Variants in SORCS1 observed in about 807,000 individuals in gnomAD.
The protein encoded by SORCS1 is sortilin related VPS10 domain containing receptor 1, also known as VPS10 domain-containing receptor SorCS1.
A neutral mutation model predicts 146.1 loss-of-function variants in SORCS1; 60 were observed. That is an observed-to-expected ratio of 0.41 (90% CI 0.33 to 0.51). The LOEUF is 0.51. SORCS1 is among the 20% of genes least tolerant of loss of function. The probability of loss-of-function intolerance (pLI) is 0.21; values close to 1 mark genes in which losing one functional copy is unlikely to be tolerated. For missense variants in SORCS1, 1,352 were observed against 1,487.6 expected (o/e 0.91, Z 1.50); for synonymous variants, 637 against 584.0 (o/e 1.09, Z -1.31).
intron 1 of SORCS1, among the ~76,000 whole-genome samples, chr10:107,103,707 A>G (rs182042402): frequency 6.6e-6 from 1 of 152,280 alleles, no homozygotes; most frequent in African/African-American, 2.4e-5. Flanking sequence ...TGTTTGTATT[A>G]ATGAAATATG....
rs1254106397 is a variant in SORCS1, at chr10:106,652,561, G to A, written c.2304-8C>T. ...GAAACCACCTTCCTGTACCTAAATG[G>A]AAAAAAGCTCAAGTCGTAAACCAGC... On this transcript the variant is annotated splice_polypyrimidine_tract_variant and splice_region_variant and intron_variant, in intron 17 of 25. Coordinates refer to ENST00000263054, the MANE Select transcript of SORCS1 (RefSeq NM_052918.5). 2 of 1,607,032 alleles carry A rather than the reference G, an allele frequency of 1.2e-6. No individual in the cohort carries two copies. Among genetic ancestry groups the A allele is most frequent in the South Asian group, 1.1e-5 (1 of 90,506 alleles).
rs1488554783 is a variant in SORCS1, at chr10:106,618,290, C to T, written c.2797-18G>A. 3 of 1,612,538 alleles carry T rather than the reference C, an allele frequency of 1.9e-6. No individual in the cohort carries two copies. The highest frequency in any genetic ancestry group is 1.1e-5 in the South Asian group (1 of 90,956). ...ATCAAAGGCTAAAATAAACAAGGGC[C>T]CAGAGTGAAGGGAAAGCTCTTTAGT... On this transcript the variant is annotated intron_variant, in intron 20 of 25. Coordinates refer to ENST00000263054, the MANE Select transcript of SORCS1 (RefSeq NM_052918.5).
intron 2 of SORCS1, among the ~76,000 whole-genome samples, chr10:106,901,287 T>A (rs1470342309): frequency 2.0e-5 from 3 of 152,126 alleles, no homozygotes; most frequent in Non-Finnish European, 4.4e-5. Context: ...TTTCTATAGT[T>A]TTTTTTATTT....
intron 1 of SORCS1, among the ~76,000 whole-genome samples, chr10:107,160,780 G>T (rs964455121): frequency 6.6e-6 from 1 of 152,120 alleles, no homozygotes; most frequent in Non-Finnish European, 1.5e-5. Context: ...ATTTTATAAA[G>T]ATTAATGCTA....
chr10:107,042,611 A>AT (rs35015031), intron 1 of SORCS1, among the ~76,000 whole-genome samples: 52,784 of 143,616 alleles, frequency 0.37, 10,681 homozygotes, highest in African/African-American at 0.55. Flanking sequence ...GAAGTGAACT[A>AT]TTTTTTTTTT....
chr10:106,725,933 GAAAAAAAAA>G (rs58266957), intron 6 of SORCS1, among the ~76,000 whole-genome samples: 1 of 135,396 alleles, frequency 7.4e-6, no homozygotes, highest in African/African-American at 2.8e-5. Context: ...TCTGTCTCAG[GAAAAAAAAA>G]AAAAAAAAAT....
chr10:106,879,181 A>C (rs903437349), intron 2 of SORCS1, among the ~76,000 whole-genome samples: 5 of 151,380 alleles, frequency 3.3e-5, no homozygotes, highest in Non-Finnish European at 7.4e-5. Context: ...ATAACTTACC[A>C]AGAGTGAGCA....
At chr10:107,142,005 T>C (rs1384022123) in intron 1 of SORCS1, among the ~76,000 whole-genome samples, 1 of 152,052 alleles carries the variant, frequency 6.6e-6, no homozygotes, top group Non-Finnish European at 1.5e-5. Context: ...TTCTAAGGAG[T>C]GGGAAGATAA....
intron 18 of SORCS1, among the ~76,000 whole-genome samples, chr10:106,633,046 AG>A (rs531160743): frequency 1.0e-3 from 158 of 152,290 alleles, no homozygotes; most frequent in Non-Finnish European, 2.0e-3. Context: ...AGAGAGAACA[AG>A]AACATGTTAC....
At position 106,579,416 on chromosome 10, in the gene SORCS1, T is replaced by C. The variant is rs765720559; in HGVS notation, c.3324A>G (p.Ser1108=). 2 of 1,613,740 alleles carry C rather than the reference T, an allele frequency of 1.2e-6. No homozygotes were observed. Among genetic ancestry groups the C allele is most frequent in the African/African-American group, 2.7e-5 (2 of 74,886 alleles). The change falls in exon 25 of 26, where the codon TCA becomes TCG. Residue 1108 remains serine (S), a synonymous_variant. Transcript: ENST00000263054. ...HSGSAMLMLL[S]VVFVGLAVFV... is the part of the protein sequence containing the mutation. The stretch of plus-strand genomic sequence containing the variant: ...ACACTGCCAGCCCCACAAACACCAC[T>C]GAGAGCAGCATCAGCATGGCAGATC...
At chr10:107,033,544 C>T (rs1958762110) in intron 1 of SORCS1, among the ~76,000 whole-genome samples, 1 of 152,164 alleles carries the variant, frequency 6.6e-6, no homozygotes, top group Admixed American at 6.5e-5. Flanking sequence ...ATAGAGAACT[C>T]AAACAGAAAC....
At chr10:106,934,978 G>A (rs7100366) in intron 2 of SORCS1, among the ~76,000 whole-genome samples, 3,210 of 152,046 alleles carry the variant, frequency 0.021, 82 homozygotes, top group South Asian at 0.11. Flanking sequence ...ACACTACTCA[G>A]GTGATGGGTA....
At chr10:106,759,451 A>C (rs918789185) in intron 5 of SORCS1, among the ~76,000 whole-genome samples, 2 of 152,224 alleles carry the variant, frequency 1.3e-5, no homozygotes, top group African/African-American at 4.8e-5. Context: ...GATTAGAGAA[A>C]TTAGGGTAAG....
chr10:106,898,786 G>T (rs1413690029), intron 2 of SORCS1, among the ~76,000 whole-genome samples: 2 of 152,024 alleles, frequency 1.3e-5, no homozygotes, highest in Non-Finnish European at 2.9e-5. Context: ...GATCAATTCT[G>T]ATGGTTCTTT....
At chr10:106,587,687 A>T (rs762563456) in intron 24 of SORCS1, among the ~76,000 whole-genome samples, 20 of 152,250 alleles carry the variant, frequency 1.3e-4, no homozygotes, top group Non-Finnish European at 2.5e-4. Context: ...ACCAGTCAGC[A>T]GCAGCCATAG....
intron 6 of SORCS1, among the ~76,000 whole-genome samples, chr10:106,715,032 G>A (rs561844308): frequency 2.0e-5 from 3 of 152,306 alleles, no homozygotes; most frequent in East Asian, 1.9e-4. Context: ...CAGTCTGCCC[G>A]TGGTAAAGTG....
At chr10:107,136,953 T>C (rs1251486965) in intron 1 of SORCS1, among the ~76,000 whole-genome samples, 1 of 152,208 alleles carries the variant, frequency 6.6e-6, no homozygotes, top group African/African-American at 2.4e-5. Context: ...CTCTATCTTC[T>C]ACAGATGTAA....
At chr10:106,688,942 A>C (rs546121546) in intron 9 of SORCS1, among the ~76,000 whole-genome samples, 1 of 152,314 alleles carries the variant, frequency 6.6e-6, no homozygotes, top group South Asian at 2.1e-4. Context: ...TGGGCAGTTG[A>C]AAGAGGCAGT....
At chr10:107,079,297 T>C (rs1005146714) in intron 1 of SORCS1, among the ~76,000 whole-genome samples, 4 of 151,898 alleles carry the variant, frequency 2.6e-5, no homozygotes, top group Non-Finnish European at 4.4e-5. Context: ...TCACTAAATA[T>C]AGGATTTTTA....
Sources: gnomAD v4.1 joint callset for allele counts (sites outside exome capture counted in the v4.1 genomes callset) on GRCh38, gnomAD v4.1.1 for gene constraint, MANE v1.5 for transcripts, NCBI Gene and HGNC (gene_info 2026-07-23, HGNC 2026-07-21) for gene names.